The following ERC1 variants were observed in gnomAD, a reference collection of about 807,000 sequenced individuals.
ERC1 encodes ELKS/RAB6-interacting/CAST family member 1.
In ERC1, 56 loss-of-function variants were observed where a neutral mutation model predicts 132.0. The ratio of observed to expected loss-of-function variants is 0.42; its 90% CI spans 0.34 to 0.53. The LOEUF (loss-of-function observed/expected upper bound fraction) is 0.53. Ranked by LOEUF, ERC1 falls within the 20% of genes least tolerant of loss-of-function variation. ERC1 has a pLI of 0.03. For synonymous variants in ERC1, 478 were observed against 476.1 expected (o/e 1.00, Z -0.05); for missense variants, 1,202 against 1,349.9 (o/e 0.89, Z 1.72).
intron 14 of ERC1, among the ~76,000 whole-genome samples, chr12:1,267,172 C>T (rs929247009): frequency 6.6e-6 from 1 of 152,234 alleles, no homozygotes; most frequent in Admixed American, 6.5e-5. Context: ...GCCCCCTAAC[C>T]TGTGTGAGCA....
At chr12:1,110,786 C>G (rs1016139328) in intron 5 of ERC1, among the ~76,000 whole-genome samples, 1 of 152,086 alleles carries the variant, frequency 6.6e-6, no homozygotes. Context: ...TCACTGCAGC[C>G]TCTGCCTCCA....
intron 8 of ERC1, among the ~76,000 whole-genome samples, chr12:1,156,084 T>C (rs1275803803): frequency 6.6e-6 from 1 of 152,076 alleles, no homozygotes; most frequent in Non-Finnish European, 1.5e-5. Context: ...TTTATTAATT[T>C]AAAAATAAAC....
At chr12:1,280,546 A>G (rs1360542871) in intron 14 of ERC1, among the ~76,000 whole-genome samples, 1 of 152,180 alleles carries the variant, frequency 6.6e-6, no homozygotes, top group Non-Finnish European at 1.5e-5. Context: ...AAGTTTTGTA[A>G]TCTCTCCAAG....
At position 1,401,888 on chromosome 12, in the gene ERC1, G is replaced by A. The variant is rs528386265; in HGVS notation, c.2926-6261G>A. Among the ~76,000 whole-genome samples the A allele has an allele frequency of 1.9e-4, 29 of 152,132 alleles. 1 individual carries two copies. The South Asian group carries it at 5.0e-3, about 26-fold the overall frequency. Reference sequence around the variant, plus strand: ...AATTAATGAACTTGAAGATTCTGCCGAAATTATCCAAAATGCAGTGCAGAA... The same window carrying A: ...AATTAATGAACTTGAAGATTCTGCCAAAATTATCCAAAATGCAGTGCAGAA... On this transcript the variant is annotated intron_variant, in intron 16 of 18. Coordinates refer to ENST00000360905, the MANE Select transcript of ERC1 (RefSeq NM_178040.4).
chr12:1,110,142 T>C, intron 4 of ERC1, 50 bp from the exon 5 acceptor site: 1 of 1,464,216 alleles, frequency 6.8e-7, no homozygotes, highest in Non-Finnish European at 9.3e-7. Context: ...TATTCAGCTT[T>C]TCTGGGTTTT....
At chr12:1,245,851 G>A (rs79276967) in intron 13 of ERC1, among the ~76,000 whole-genome samples, 1 of 152,252 alleles carries the variant, frequency 6.6e-6, no homozygotes, top group African/African-American at 2.4e-5. Flanking sequence ...GTTAATTACT[G>A]TGATTTATAG....
intron 16 of ERC1, among the ~76,000 whole-genome samples, chr12:1,401,092 C>T (rs1057163174): frequency 1.3e-4 from 19 of 151,338 alleles, no homozygotes; most frequent in African/African-American, 2.7e-4. Flanking sequence ...CCCACCGCTG[C>T]GCCCGGCTAA....
At chr12:1,062,210 C>T (rs1437079702) in intron 2 of ERC1, among the ~76,000 whole-genome samples, 1 of 152,024 alleles carries the variant, frequency 6.6e-6, no homozygotes, top group Non-Finnish European at 1.5e-5. Context: ...GTCTTGATCT[C>T]CAGACCTCGT....
intron 8 of ERC1, among the ~76,000 whole-genome samples, chr12:1,164,534 G>GA (rs368133462): frequency 0.022 from 3,355 of 151,252 alleles, 50 homozygotes; most frequent in East Asian, 0.073. Flanking sequence ...GTAGAGAAGG[G>GA]TTTCACCGTG....
At position 1,291,589 on chromosome 12, in the gene ERC1, A is replaced by C. The variant is rs558590044; in HGVS notation, c.2780+1577A>C. On this transcript the variant is annotated intron_variant, in intron 15 of 18. Transcript: ENST00000360905. ...GCGTATGTGTGACTCTGGAGCTAGA[A>C]TAAGACAGAGTCTTCCCTCAGGAAA... is the stretch of plus-strand genomic sequence containing the variant. Among the ~76,000 whole-genome samples the C allele has an allele frequency of 3.3e-5, 5 of 152,366 alleles. No individual in the cohort carries two copies. In the South Asian group the frequency reaches 1.0e-3, roughly 32 times the overall value.
At chr12:1,009,322 C>T (rs1020015451) in intron 1 of ERC1, among the ~76,000 whole-genome samples, 1 of 151,952 alleles carries the variant, frequency 6.6e-6, no homozygotes, top group African/African-American at 2.4e-5. Context: ...CTACAGGTGC[C>T]CGCCACCACG....
At chr12:1,030,317 A>C (rs1967775835) in intron 2 of ERC1, among the ~76,000 whole-genome samples, 1 of 152,218 alleles carries the variant, frequency 6.6e-6, no homozygotes, top group Non-Finnish European at 1.5e-5. Context: ...GATACTAAGA[A>C]GTAAAGAAGC....
intron 15 of ERC1, among the ~76,000 whole-genome samples, chr12:1,336,631 T>C (rs115520446): frequency 2.3e-3 from 352 of 152,268 alleles, no homozygotes; most frequent in African/African-American, 8.1e-3. Context: ...TTATTTCAGT[T>C]CTTTTGCATT....
At chr12:1,352,114 T>C (rs2085055662) in intron 15 of ERC1, among the ~76,000 whole-genome samples, 1 of 152,148 alleles carries the variant, frequency 6.6e-6, no homozygotes, top group African/African-American at 2.4e-5. Context: ...AACCTTCTTA[T>C]TGCCTCAAGG....
intron 1 of ERC1, among the ~76,000 whole-genome samples, chr12:1,011,358 C>A (rs922537841): frequency 6.6e-5 from 10 of 152,132 alleles, no homozygotes; most frequent in Non-Finnish European, 1.0e-4. Context: ...CATGCACCAC[C>A]ATGCCCGGCT....
At chr12:1,033,182 G>A (rs939099492) in intron 2 of ERC1, among the ~76,000 whole-genome samples, 4 of 151,936 alleles carry the variant, frequency 2.6e-5, no homozygotes, top group East Asian at 1.9e-4. Context: ...GACTACAGGC[G>A]CCTGCCACCA....
At chr12:1,163,971 C>T (rs2154262020) in intron 8 of ERC1, among the ~76,000 whole-genome samples, 1 of 152,304 alleles carries the variant, frequency 6.6e-6, no homozygotes, top group South Asian at 2.1e-4. Context: ...CTGTCATGGC[C>T]TCCTGAAGTG....
chr12:1,382,287 A>G (rs1196110991), intron 16 of ERC1, among the ~76,000 whole-genome samples: 4 of 152,202 alleles, frequency 2.6e-5, no homozygotes, highest in Admixed American at 2.6e-4. Flanking sequence ...TCATAAATAA[A>G]AGGAGTGAGT....
chr12:1,303,196 T>G (rs957280062), intron 15 of ERC1, among the ~76,000 whole-genome samples: 1 of 152,168 alleles, frequency 6.6e-6, no homozygotes, highest in Non-Finnish European at 1.5e-5. Context: ...TGTAGCAATT[T>G]CTTAAAATAA....
Sources: allele counts gnomAD v4.1 joint callset (sites outside exome capture counted in the v4.1 genomes callset), GRCh38; gene constraint gnomAD v4.1.1; transcripts MANE v1.5; gene names NCBI Gene and HGNC (gene_info 2026-07-23, HGNC 2026-07-21).